SFMBT2: variants seen among roughly 807,000 people sequenced by gnomAD.
SFMBT2 encodes the protein Scm like with four mbt domains 2.
SFMBT2 carries 38 observed loss-of-function variants against 110.1 expected under a neutral mutation model. The ratio of observed to expected loss-of-function variants is 0.35; its 90% confidence interval spans 0.27 to 0.45. The LOEUF (loss-of-function observed/expected upper bound fraction) is 0.45, where lower values mean the gene tolerates loss of function less well. Among genes scored for constraint, SFMBT2 ranks in the 20% least tolerant of loss-of-function variants. The pLI is 1.00. For missense variants in SFMBT2, 1,011 were observed against 1,094.9 expected (o/e 0.92, Z 1.08); for synonymous variants, 425 against 425.4 (o/e 1.00, Z 0.01).
rs1207849639 is a variant in SFMBT2, at chr10:7,172,910, T to C, written c.1985-249A>G. On this transcript the variant is annotated intron_variant, in intron 17 of 20. Coordinates refer to ENST00000397167, the MANE Select transcript of SFMBT2 (RefSeq NM_001387889.1). This position sits in a 1 kb window ranked among gnomAD's most constrained non-coding sequence, Gnocchi z 4.6. ...AACCCCCAAAGTGAGTGTATCTGGA[T>C]GTCCCGAACCCCCAAAGTGAGTGTA... 6.6e-6 allele frequency among the ~76,000 whole-genome samples: 1 copy of C among 152,152 alleles called. No individual in the cohort carries two copies. Among genetic ancestry groups the C allele is most frequent in the Non-Finnish European group, 1.5e-5 (1 of 68,022 alleles).
rs945171877 is a variant in SFMBT2 at position 7,301,675 on chromosome 10, T to C, written c.437-15721A>G. On this transcript the variant is annotated intron_variant, in intron 4 of 20. Transcript: ENST00000397167. This position sits in a 1 kb window ranked among gnomAD's most constrained non-coding sequence, Gnocchi z 4.2. ...AGCTGCAGCTCCAAGTTGGGCCATTTACTATTCTGAAACGCAGAAACTGGT... is the reference window on the plus strand; with the variant it reads ...AGCTGCAGCTCCAAGTTGGGCCATTCACTATTCTGAAACGCAGAAACTGGT... Among the ~76,000 whole-genome samples the C allele has an allele frequency of 6.6e-6, 1 of 152,188 alleles. No individual in the cohort carries two copies. The highest frequency in any genetic ancestry group is 1.5e-5 in the Non-Finnish European group (1 of 68,028).
intron 16 of SFMBT2, among the ~76,000 whole-genome samples, chr10:7,178,817 G>A (rs1838153803): frequency 6.6e-6 from 1 of 152,126 alleles, no homozygotes; most frequent in Admixed American, 6.5e-5. Flanking sequence ...ATAATGCCTG[G>A]CTGAAAACAC....
chr10:7,280,148 C>T (rs563508763), intron 6 of SFMBT2, among the ~76,000 whole-genome samples: 24 of 152,298 alleles, frequency 1.6e-4, no homozygotes, highest in African/African-American at 5.5e-4. Flanking sequence ...AACCAGGAAG[C>T]GAGCCCTCCT....
intron 14 of SFMBT2, among the ~76,000 whole-genome samples, chr10:7,198,959 CA>C (rs1028778584): frequency 2.0e-5 from 3 of 151,960 alleles, no homozygotes; most frequent in African/African-American, 7.3e-5. Flanking sequence ...AACTCTGTCT[CA>C]AAAAAAGAAG....
Position 7,186,502 on chromosome 10 carries a change from G to A in SFMBT2, c.1808+2122C>T, listed in dbSNP as rs974962402. 1.1e-3 allele frequency among the ~76,000 whole-genome samples: 150 copies of A among 141,750 alleles called. 2 individuals carry two copies. Among genetic ancestry groups the A allele is most frequent in the African/African-American group, 3.7e-3 (134 of 36,598 alleles). The allele number at this position is 141,750 out of a possible 152,430, so 93.0% of individuals were successfully genotyped here. A position where few individuals can be genotyped will look rare whatever the true frequency, so the allele number is the denominator to read the frequency against. The stretch of plus-strand genomic sequence containing the variant: ...AATATTTTATTTGTTGTAGAGACAG[G>A]GTCTTACTATGTTGTCCAGGCTGGT... On this transcript the variant is annotated intron_variant, in intron 16 of 20. Coordinates refer to ENST00000397167, the MANE Select transcript of SFMBT2 (RefSeq NM_001387889.1).
intron 1 of SFMBT2, among the ~76,000 whole-genome samples, chr10:7,395,218 T>C (rs2132112950): frequency 6.6e-6 from 1 of 151,888 alleles, no homozygotes; most frequent in East Asian, 1.9e-4. Flanking sequence ...ACTCAGGAGG[T>C]GGAGGCTGCA....
In SFMBT2 at chr10:7,340,904, T is replaced by G. The variant is rs192442963; in HGVS notation, c.436+26745A>C. 1.8e-3 allele frequency among the ~76,000 whole-genome samples: 275 copies of G among 151,314 alleles called. 2 individuals carry two copies. Among genetic ancestry groups the G allele is most frequent in the African/African-American group, 6.2e-3 (257 of 41,202 alleles). On this transcript the variant is annotated intron_variant, in intron 4 of 20. Coordinates refer to ENST00000397167, the MANE Select transcript of SFMBT2 (RefSeq NM_001387889.1). ...TTGGGGTACACAGAAACTAAAGGCA[T>G]GTCTGGGGAAGAGCATGACTTGATT...
At chr10:7,284,217 C>T in intron 5 of SFMBT2, 67 bp from the exon 6 acceptor site, 1 of 1,564,684 alleles carries the variant, frequency 6.4e-7, no homozygotes, top group African/African-American at 1.4e-5. Flanking sequence ...AAACAGATGA[C>T]AGCAGAAGAT....
At chr10:7,364,439 T>C (rs1844826613) in intron 4 of SFMBT2, among the ~76,000 whole-genome samples, 1 of 152,242 alleles carries the variant, frequency 6.6e-6, no homozygotes, top group African/African-American at 2.4e-5. Context: ...TGTGTGTGAC[T>C]GCTGCCACAT....
In SFMBT2 at chr10:7,172,458, G is replaced by T; in HGVS notation, c.2151+37C>A. 1 of 1,612,506 alleles carries T rather than the reference G, an allele frequency of 6.2e-7. No individual in the cohort carries two copies. The highest frequency in any genetic ancestry group is 1.1e-5 in the South Asian group (1 of 90,966). ...ACTTGCCGGCCAGGGCCAGATGACA[G>T]AGCTACAGGCTGGCAGGTGCCCCGG... is the stretch of plus-strand genomic sequence containing the variant. On this transcript the variant is annotated intron_variant, in intron 18 of 20. Coordinates refer to ENST00000397167, the MANE Select transcript of SFMBT2 (RefSeq NM_001387889.1). This position sits in a 1 kb window ranked among gnomAD's most constrained non-coding sequence, Gnocchi z 4.6.
intron 16 of SFMBT2, among the ~76,000 whole-genome samples, chr10:7,187,623 C>A (rs1017267636): frequency 1.3e-5 from 2 of 152,166 alleles, no homozygotes; most frequent in African/African-American, 4.8e-5. Context: ...ACCAGGAATG[C>A]TAAGTGGATT....
intron 4 of SFMBT2, among the ~76,000 whole-genome samples, chr10:7,306,551 C>G (rs186773280): frequency 6.6e-6 from 1 of 152,122 alleles, no homozygotes; most frequent in African/African-American, 2.4e-5. Flanking sequence ...AGTTCGCTAA[C>G]CCCCGCTGTA....
intron 4 of SFMBT2, among the ~76,000 whole-genome samples, chr10:7,294,141 G>T (rs575384044): frequency 1.8e-4 from 27 of 152,148 alleles, no homozygotes; most frequent in Admixed American, 1.8e-3. Flanking sequence ...GTGGGGGAAG[G>T]TACTGTAATT....
intron 2 of SFMBT2, 132 bp from the exon 3 acceptor site, chr10:7,370,507 A>T (rs1845032342): frequency 1.3e-6 from 1 of 760,260 alleles, no homozygotes; most frequent in African/African-American, 1.8e-5. Context: ...ATATTGCTGA[A>T]TTTTTTGCAA....
At chr10:7,289,062 CT>C (rs1842189205) in intron 4 of SFMBT2, among the ~76,000 whole-genome samples, 1 of 151,612 alleles carries the variant, frequency 6.6e-6, no homozygotes, top group South Asian at 2.1e-4. Context: ...CACATGGAGT[CT>C]TTCCAGTAGA....
intron 8 of SFMBT2, among the ~76,000 whole-genome samples, chr10:7,245,594 C>T (rs188018510): frequency 1.4e-4 from 22 of 152,368 alleles, no homozygotes; most frequent in African/African-American, 5.3e-4. Context: ...GAGCAGTTAA[C>T]TGACTTGCCC....
intron 10 of SFMBT2, 21 bp downstream of exon 10, chr10:7,227,834 G>C (rs1355175427): frequency 6.3e-7 from 1 of 1,585,584 alleles, no homozygotes; most frequent in Non-Finnish European, 8.6e-7. Context: ...TTAAAAATTA[G>C]GTAAGAGAGA....
intron 10 of SFMBT2, among the ~76,000 whole-genome samples, chr10:7,226,525 G>A (rs1352686596): frequency 6.6e-6 from 1 of 152,132 alleles, no homozygotes; most frequent in African/African-American, 2.4e-5. Context: ...TCTGACCAGC[G>A]AGTGCTTTGC....
intron 10 of SFMBT2, among the ~76,000 whole-genome samples, chr10:7,222,942 C>T (rs951822025): frequency 1.3e-5 from 2 of 152,134 alleles, no homozygotes; most frequent in Non-Finnish European, 2.9e-5. Flanking sequence ...AGGTGTGAGC[C>T]ACTGAGCCTG....
Sources: allele counts gnomAD v4.1 joint callset (sites outside exome capture counted in the v4.1 genomes callset), GRCh38; gene constraint gnomAD v4.1.1; non-coding constraint Gnocchi (gnomAD v3.1); transcripts MANE v1.5; gene names NCBI Gene and HGNC (gene_info 2026-07-23, HGNC 2026-07-21).